Variants in PARD3 observed in about 807,000 individuals in gnomAD.
PARD3 encodes partitioning defective 3 homolog.
Under a neutral mutation model 155.4 loss-of-function variants are expected in PARD3, and 75 were observed. That is an observed-to-expected ratio of 0.48 (90% CI 0.40 to 0.58). The LOEUF (loss-of-function observed/expected upper bound fraction) is 0.58. PARD3 is among the 20% of genes least tolerant of loss of function. PARD3 has a pLI of 0.00. For missense variants in PARD3, 1,642 were observed against 1,721.7 expected, an observed-to-expected ratio of 0.95 and a Z score of 0.82; for synonymous variants, 576 against 610.5, an observed-to-expected ratio of 0.94 and a Z score of 0.83.
intron 2 of PARD3, among the ~76,000 whole-genome samples, chr10:34,593,665 G>C (rs1395667681): frequency 2.6e-5 from 4 of 152,156 alleles, no homozygotes; most frequent in Non-Finnish European, 4.4e-5. Flanking sequence ...ATAGAACCTT[G>C]AGATGATTAA....
rs377242232 is a variant in PARD3, at chr10:34,150,828, T to C, written c.3420-19245A>G. Among the ~76,000 whole-genome samples, 15 of 152,364 alleles carry C rather than the reference T, an allele frequency of 9.8e-5. No individual in the cohort carries two copies. The East Asian group carries it at 1.3e-3, about 14-fold the overall frequency. ...AAAATTTGTTTAAATTCATAAAATA[T>C]GACAGCTCTAAAGTATTATCATAAT... On this transcript the variant is annotated intron_variant, in intron 22 of 24. Transcript: ENST00000374788.
chr10:34,304,472 G>T (rs1957304129), intron 20 of PARD3, among the ~76,000 whole-genome samples: 1 of 152,164 alleles, frequency 6.6e-6, no homozygotes, highest in African/African-American at 2.4e-5. Flanking sequence ...CTAGTAACAT[G>T]TGAGTGCTTT....
intron 1 of PARD3, among the ~76,000 whole-genome samples, chr10:34,698,273 A>G (rs1183546811): frequency 6.6e-6 from 1 of 152,176 alleles, no homozygotes; most frequent in Non-Finnish European, 1.5e-5. Flanking sequence ...TTGGAAATAA[A>G]TCCGCACCTA....
At chr10:34,329,071 G>A (rs538742591) in intron 19 of PARD3, among the ~76,000 whole-genome samples, 1 of 152,206 alleles carries the variant, frequency 6.6e-6, no homozygotes, top group South Asian at 2.1e-4. Context: ...TTCTCTGAAG[G>A]ACAGATACAT....
chr10:34,147,890 G>T (rs1948594584), intron 22 of PARD3, among the ~76,000 whole-genome samples: 1 of 152,158 alleles, frequency 6.6e-6, no homozygotes, highest in Middle Eastern at 3.4e-3. Context: ...AGTAAGGAAG[G>T]GGGCAGTGCC....
rs182576126 is a variant in PARD3, at chr10:34,133,119, T to C, written c.3420-1536A>G. Among the ~76,000 whole-genome samples the C allele has an allele frequency of 2.2e-3, 334 of 152,258 alleles. 2 individuals are homozygous for C. The highest frequency in any genetic ancestry group is 7.5e-3 in the African/African-American group (313 of 41,554). ...TACAAGACCCTGTGGGACCTGATTT[T>C]TCCTGGATGCCAGACAAGGGCCTGG... is the stretch of plus-strand genomic sequence containing the variant. On this transcript the variant is annotated intron_variant, in intron 22 of 24. Transcript: ENST00000374788.
chr10:34,723,890 G>A (rs1027455326), intron 1 of PARD3, among the ~76,000 whole-genome samples: 5 of 152,126 alleles, frequency 3.3e-5, no homozygotes, highest in Admixed American at 6.6e-5. Flanking sequence ...GAAGGGTGCC[G>A]CAGGCTGGGA....
intron 22 of PARD3, among the ~76,000 whole-genome samples, chr10:34,221,265 T>C (rs887202541): frequency 6.6e-6 from 1 of 152,158 alleles, no homozygotes. Context: ...GTAGCCCCAT[T>C]TGTATGGCCA....
intron 5 of PARD3, among the ~76,000 whole-genome samples, chr10:34,436,610 C>G (rs1217404420): frequency 6.6e-6 from 1 of 152,052 alleles, no homozygotes; most frequent in Non-Finnish European, 1.5e-5. Context: ...TTTAGGCATA[C>G]TTCTGTGAGA....
chr10:34,719,467 G>A (rs1564543419), intron 1 of PARD3, among the ~76,000 whole-genome samples: 1 of 152,086 alleles, frequency 6.6e-6, no homozygotes, highest in Non-Finnish European at 1.5e-5. Flanking sequence ...CCTGAGTGCA[G>A]TGCAGCAACA....
intron 2 of PARD3, among the ~76,000 whole-genome samples, chr10:34,517,829 C>A (rs993158860): frequency 6.6e-6 from 1 of 152,070 alleles, no homozygotes; most frequent in Admixed American, 6.5e-5. Flanking sequence ...TAAACTGGTG[C>A]TCAGAATGGA....
chr10:34,227,881 T>TATATATATATATATAC lies in PARD3; in HGVS notation c.3419+41775_3419+41776insGTATATATATATATAT, dbSNP rs1199483392. Reference sequence around the variant, plus strand: ...TTATATATATATATATATATATATATATACTGGGAATATATATGTATATAT... The same window carrying TATATATATATATATAC: ...TTATATATATATATATATATATATATATATATATATATATACATACTGGGAATATATATGTATATAT... On this transcript the variant is annotated intron_variant, in intron 22 of 24. Coordinates refer to ENST00000374788, the MANE Select transcript of PARD3 (RefSeq NM_001184785.2). 7.4e-3 allele frequency among the ~76,000 whole-genome samples: 982 copies of TATATATATATATATAC among 133,538 alleles called. 11 individuals carry two copies. The highest frequency in any genetic ancestry group is 0.012 in the Non-Finnish European group (736 of 62,984). 87.6% of individuals were successfully genotyped at this position (133,538 alleles called of 152,430 possible). A position where few individuals can be genotyped will look rare whatever the true frequency, so the allele number is the denominator to read the frequency against.
At chr10:34,663,397 C>T (rs930739162) in intron 2 of PARD3, among the ~76,000 whole-genome samples, 5 of 152,124 alleles carry the variant, frequency 3.3e-5, no homozygotes, top group African/African-American at 9.6e-5. Context: ...ACTCGGGAGG[C>T]GGAGATTGCA....
Position 34,244,300 on chromosome 10 carries a change from A to T in PARD3, c.3419+25357T>A, listed in dbSNP as rs149280591. On this transcript the variant is annotated intron_variant, in intron 22 of 24. Coordinates refer to ENST00000374788, the MANE Select transcript of PARD3 (RefSeq NM_001184785.2). ...TCTCAAAAGAGGCTGATTAAGGGAT[A>T]ATATATTTCTTACTCAGGAAACATT... is the stretch of plus-strand genomic sequence containing the variant. Among the ~76,000 whole-genome samples the T allele has an allele frequency of 3.0e-3, 455 of 152,330 alleles. 2 individuals carry two copies. Among genetic ancestry groups the T allele is most frequent in the African/African-American group, 0.01 (435 of 41,574 alleles).
At chr10:34,482,833 GT>G (rs1241100898) in intron 3 of PARD3, among the ~76,000 whole-genome samples, 1 of 151,778 alleles carries the variant, frequency 6.6e-6, no homozygotes, top group Admixed American at 6.6e-5. Context: ...ACAGGTAAGA[GT>G]GAGCTATTTT....
intron 22 of PARD3, among the ~76,000 whole-genome samples, chr10:34,209,371 C>T (rs1437568445): frequency 6.6e-6 from 1 of 152,154 alleles, no homozygotes; most frequent in Non-Finnish European, 1.5e-5. Flanking sequence ...TCGACATGAA[C>T]AAGGCAGAGC....
intron 4 of PARD3, among the ~76,000 whole-genome samples, chr10:34,453,757 G>GA (rs1289247662): frequency 6.6e-6 from 1 of 152,118 alleles, no homozygotes; most frequent in African/African-American, 2.4e-5. Context: ...CAAATGCATA[G>GA]AAAAAACAGT....
chr10:34,624,348 T>A (rs2091871675), intron 2 of PARD3, among the ~76,000 whole-genome samples: 1 of 152,156 alleles, frequency 6.6e-6, no homozygotes, highest in South Asian at 2.1e-4. Flanking sequence ...AAGAACTTAT[T>A]GAAAGAAAAC....
chr10:34,659,554 G>A (rs2093269824), intron 2 of PARD3, among the ~76,000 whole-genome samples: 1 of 152,082 alleles, frequency 6.6e-6, no homozygotes, highest in Admixed American at 6.6e-5. Context: ...ATAATAACAT[G>A]TAAATGAAGA....
Sources: gnomAD v4.1 joint callset for allele counts (sites outside exome capture counted in the v4.1 genomes callset) on GRCh38, gnomAD v4.1.1 for gene constraint, MANE v1.5 for transcripts, NCBI Gene and HGNC (gene_info 2026-07-23, HGNC 2026-07-21) for gene names.